The following ADAMTS20 variants were observed in gnomAD, a reference collection of about 807,000 sequenced individuals.
The protein encoded by ADAMTS20 is ADAM metallopeptidase with thrombospondin type 1 motif 20.
Under a neutral mutation model 260.1 loss-of-function variants are expected in ADAMTS20, and 225 were observed. That is an observed-to-expected ratio of 0.87 (90% CI 0.78 to 0.97). The LOEUF (loss-of-function observed/expected upper bound fraction) is 0.97. ADAMTS20 is among the 50% of genes least tolerant of loss of function. The pLI, the probability that ADAMTS20 is intolerant of heterozygous loss-of-function variation, is 0.00. For missense variants in ADAMTS20, 2,400 were observed against 2,337.7 expected (o/e 1.03, Z -0.55); for synonymous variants, 802 against 769.5 (o/e 1.04, Z -0.70).
chr12:43,493,361 G>A, intron 4 of ADAMTS20, 108 bp from the exon 5 acceptor site: 2 of 726,640 alleles, frequency 2.8e-6, no homozygotes, highest in Non-Finnish European at 4.5e-6. Context: ...CTGCACGTAG[G>A]AATCTTGGAA....
intron 11 of ADAMTS20, among the ~76,000 whole-genome samples, chr12:43,458,613 G>A (rs1942007516): frequency 6.6e-6 from 1 of 152,168 alleles, no homozygotes. Context: ...TATAATGTCT[G>A]TCCTGACCAT....
intron 37 of ADAMTS20, among the ~76,000 whole-genome samples, chr12:43,366,336 A>G (rs1939985772): frequency 6.6e-6 from 1 of 151,918 alleles, no homozygotes; most frequent in Admixed American, 6.6e-5. Flanking sequence ...AATGAAACAA[A>G]ACAAAATACA....
intron 29 of ADAMTS20, among the ~76,000 whole-genome samples, chr12:43,395,462 G>A (rs1018241163): frequency 6.6e-6 from 1 of 152,030 alleles, no homozygotes; most frequent in Admixed American, 6.6e-5. Flanking sequence ...CTAGCATTTA[G>A]CATACAGTTT....
At chr12:43,379,300 G>A (rs150916931) in intron 31 of ADAMTS20, among the ~76,000 whole-genome samples, 73 of 152,218 alleles carry the variant, frequency 4.8e-4, no homozygotes, top group African/African-American at 1.7e-3. Context: ...CAACAGGCTA[G>A]CTAAAAAGGC....
At chr12:43,528,370 A>AAAAAAAAAAAAAC in intron 3 of ADAMTS20, among the ~76,000 whole-genome samples, 3 of 149,246 alleles carry the variant, frequency 2.0e-5, no homozygotes, top group African/African-American at 4.9e-5. Context: ...AAAAAAAAAA[A>AAAAAAAAAAAAAC]AAAACACAAA....
At chr12:43,453,773 TA>T in intron 12 of ADAMTS20, 133 bp downstream of exon 12, 2 of 931,278 alleles carry the variant, frequency 2.1e-6, no homozygotes, top group South Asian at 3.5e-5. Flanking sequence ...CAATGTGACT[TA>T]AAGTGCTCCA....
chr12:43,540,355 G>C (rs763174567), intron 2 of ADAMTS20, among the ~76,000 whole-genome samples: 3 of 152,122 alleles, frequency 2.0e-5, no homozygotes, highest in Non-Finnish European at 2.9e-5. Flanking sequence ...TTTAAAAAAT[G>C]TTGTCTTTAT....
chr12:43,494,616 A>T (rs905030388), intron 4 of ADAMTS20, among the ~76,000 whole-genome samples: 4 of 152,234 alleles, frequency 2.6e-5, no homozygotes, highest in Non-Finnish European at 4.4e-5. Context: ...GAGTGGAGGT[A>T]GCCCCAGTGG....
chr12:43,544,745 T>C (rs1294484164), intron 2 of ADAMTS20, among the ~76,000 whole-genome samples: 1 of 152,228 alleles, frequency 6.6e-6, no homozygotes, highest in Non-Finnish European at 1.5e-5. Flanking sequence ...TAATTACCTT[T>C]CTTGCCACTT....
intron 2 of ADAMTS20, among the ~76,000 whole-genome samples, chr12:43,543,314 A>T (rs1048649176): frequency 6.6e-6 from 1 of 151,918 alleles, no homozygotes; most frequent in Non-Finnish European, 1.5e-5. Context: ...TGTCTCAAAG[A>T]AAAAAAAGAA....
At chr12:43,418,253 C>T (rs1399736256) in intron 28 of ADAMTS20, among the ~76,000 whole-genome samples, 1 of 152,178 alleles carries the variant, frequency 6.6e-6, no homozygotes. Flanking sequence ...GAAACTCCTA[C>T]TCAGGAGAGA....
intron 29 of ADAMTS20, among the ~76,000 whole-genome samples, chr12:43,384,409 C>A (rs915974659): frequency 1.3e-5 from 2 of 152,110 alleles, no homozygotes; most frequent in African/African-American, 4.8e-5. Context: ...ATCTTTTTAT[C>A]TACAGTACCT....
At chr12:43,358,409 T>C (rs925421479) in intron 37 of ADAMTS20, among the ~76,000 whole-genome samples, 1 of 152,156 alleles carries the variant, frequency 6.6e-6, no homozygotes, top group Admixed American at 6.5e-5. Flanking sequence ...AAATTTGGTA[T>C]GATGTTGACG....
intron 3 of ADAMTS20, among the ~76,000 whole-genome samples, chr12:43,507,733 A>G (rs761379476): frequency 2.0e-4 from 30 of 152,174 alleles, no homozygotes; most frequent in Non-Finnish European, 3.7e-4. Context: ...CACATTATTC[A>G]TAATCCTAAA....
intron 36 of ADAMTS20, among the ~76,000 whole-genome samples, chr12:43,373,916 T>C (rs1344523365): frequency 6.6e-6 from 1 of 151,788 alleles, no homozygotes; most frequent in Non-Finnish European, 1.5e-5. Context: ...CCTGACCTCG[T>C]GATCCGCCCG....
intron 3 of ADAMTS20, among the ~76,000 whole-genome samples, chr12:43,518,747 T>G (rs985960000): frequency 2.7e-5 from 4 of 148,568 alleles, no homozygotes; most frequent in Non-Finnish European, 5.9e-5. Flanking sequence ...TAATATTCCC[T>G]CCTGAACTTG....
intron 28 of ADAMTS20, among the ~76,000 whole-genome samples, chr12:43,409,254 TAA>T (rs1041682583): frequency 1.3e-5 from 2 of 151,780 alleles, no homozygotes; most frequent in Non-Finnish European, 2.9e-5. Context: ...TAAATATTGA[TAA>T]AGTTTCCCAT....
chr12:43,374,566 C>T (rs1264289378), intron 36 of ADAMTS20, among the ~76,000 whole-genome samples: 1 of 152,028 alleles, frequency 6.6e-6, no homozygotes, highest in Non-Finnish European at 1.5e-5. Flanking sequence ...CTTTTTTTCC[C>T]TAATGCCAGT....
chr12:43,360,305 C>T (rs560040721), intron 37 of ADAMTS20, among the ~76,000 whole-genome samples: 8 of 151,992 alleles, frequency 5.3e-5, no homozygotes, highest in East Asian at 1.9e-4. Flanking sequence ...AAAAATTAGC[C>T]GGGCGTGGTG....
Sources: gnomAD v4.1 joint callset for allele counts (sites outside exome capture counted in the v4.1 genomes callset) on GRCh38, gnomAD v4.1.1 for gene constraint, MANE v1.5 for transcripts, NCBI Gene and HGNC (gene_info 2026-07-23, HGNC 2026-07-21) for gene names.